The following SYT16 variants were observed in gnomAD, a reference collection of about 807,000 sequenced individuals.
SYT16 encodes the protein synaptotagmin-16.
A neutral mutation model predicts 61.4 loss-of-function variants in SYT16; 42 were observed. The ratio of observed to expected loss-of-function variants is 0.68; its 90% CI spans 0.53 to 0.89. The LOEUF is 0.89. Ranked by LOEUF, SYT16 falls within the 40% of genes least tolerant of loss-of-function variation. The pLI is 0.00. For missense variants in SYT16, 804 were observed against 807.3 expected (o/e 1.00, Z 0.05); for synonymous variants, 314 against 302.3 (o/e 1.04, Z -0.40).
chr14:62,046,319 A>G (rs1384702738), intron 3 of SYT16, among the ~76,000 whole-genome samples: 2 of 151,858 alleles, frequency 1.3e-5, no homozygotes, highest in Non-Finnish European at 2.9e-5. Flanking sequence ...TTTCTTGTAA[A>G]TTTGTTTGAG....
chr14:62,048,141 C>T (rs141674407), intron 3 of SYT16, among the ~76,000 whole-genome samples: 720 of 152,272 alleles, frequency 4.7e-3, no homozygotes, highest in Non-Finnish European at 7.3e-3. Flanking sequence ...TTAATTATTG[C>T]CTCAATTTCA....
At chr14:61,916,305 G>C (rs950230264) in intron 1 of SYT16, among the ~76,000 whole-genome samples, 3 of 151,958 alleles carry the variant, frequency 2.0e-5, no homozygotes, top group Admixed American at 2.0e-4. Flanking sequence ...TTATAAGGCT[G>C]CTTTTATATT....
rs1467442316 is a variant in SYT16 at position 62,108,472 on chromosome 14, A to G, written c.*7765A>G. On this transcript the variant is annotated 3_prime_UTR_variant, in exon 8 of 8. Coordinates refer to ENST00000683842, the MANE Select transcript of SYT16 (RefSeq NM_001367656.1). The stretch of plus-strand genomic sequence containing the variant: ...AGATATTTTCATGTAAGTTATTTTA[A>G]GATAGTTGCATTCTAGGACCATGTT... 1 of 152,226 alleles carries G rather than the reference A, an allele frequency of 6.6e-6. No homozygotes were observed. The highest frequency in any genetic ancestry group is 1.9e-4 in the East Asian group (1 of 5,204). The allele number at this position is 152,226 out of a possible 1,614,324, so 9.4% of individuals were successfully genotyped here.
intron 7 of SYT16, among the ~76,000 whole-genome samples, chr14:62,099,941 CAT>C (rs1255057500): frequency 2.6e-5 from 4 of 152,080 alleles, no homozygotes; most frequent in East Asian, 3.9e-4. Flanking sequence ...CATACACAGA[CAT>C]ATGAATATGT....
At chr14:62,068,931 G>A (rs1241498287) in intron 3 of SYT16, among the ~76,000 whole-genome samples, 1 of 152,106 alleles carries the variant, frequency 6.6e-6, no homozygotes, top group African/African-American at 2.4e-5. Flanking sequence ...GAGTAGCCAG[G>A]ATTACAGGCT....
chr14:62,046,237 G>A (rs1210042501), intron 3 of SYT16, among the ~76,000 whole-genome samples: 7 of 152,168 alleles, frequency 4.6e-5, no homozygotes, highest in South Asian at 2.1e-4. Flanking sequence ...TTTTTTGGCT[G>A]TATAAATGTC....
intron 1 of SYT16, among the ~76,000 whole-genome samples, chr14:61,947,905 C>T (rs1339603304): frequency 6.6e-6 from 1 of 152,084 alleles, no homozygotes; most frequent in Admixed American, 6.5e-5. Flanking sequence ...TAGGACTTTA[C>T]CTGTGGAGAA....
At chr14:62,040,204 T>A (rs920141152) in intron 3 of SYT16, among the ~76,000 whole-genome samples, 1 of 152,038 alleles carries the variant, frequency 6.6e-6, no homozygotes, top group African/African-American at 2.4e-5. Context: ...AGACTTGAGT[T>A]TTTTCCCCAG....
intron 2 of SYT16, among the ~76,000 whole-genome samples, chr14:61,982,405 C>T (rs113102616): frequency 1.6e-3 from 248 of 152,190 alleles, no homozygotes; most frequent in Non-Finnish European, 3.1e-3. Context: ...GTGAAAGGCA[C>T]GTCTTACATG....
chr14:62,088,973 T>C (rs2056979025), intron 7 of SYT16, among the ~76,000 whole-genome samples: 2 of 151,326 alleles, frequency 1.3e-5, no homozygotes. Flanking sequence ...TTTTTTTAAT[T>C]AGAGTGATTG....
intron 1 of SYT16, among the ~76,000 whole-genome samples, chr14:61,911,009 C>T (rs1316432546): frequency 3.9e-5 from 6 of 152,222 alleles, no homozygotes; most frequent in Non-Finnish European, 8.8e-5. Context: ...CATTCTCTGG[C>T]AACAGCATGT....
chr14:61,972,544 T>C (rs1335777628), intron 2 of SYT16, among the ~76,000 whole-genome samples: 1 of 152,220 alleles, frequency 6.6e-6, no homozygotes, highest in Non-Finnish European at 1.5e-5. Context: ...CAAATTATAA[T>C]GTCTAAAAAG....
At chr14:62,037,722 C>T (rs1254912) in intron 3 of SYT16, among the ~76,000 whole-genome samples, 1 of 151,916 alleles carries the variant, frequency 6.6e-6, no homozygotes, top group Non-Finnish European at 1.5e-5. Context: ...AAAATCTGAA[C>T]GAACCTGAAT....
intron 7 of SYT16, among the ~76,000 whole-genome samples, chr14:62,085,603 C>A (rs2056858600): frequency 6.6e-6 from 1 of 152,130 alleles, no homozygotes; most frequent in African/African-American, 2.4e-5. Flanking sequence ...GGCTCTCACT[C>A]TTTTTTTGCC....
At chr14:62,072,744 G>A (rs1387105491) in intron 4 of SYT16, among the ~76,000 whole-genome samples, 1 of 152,190 alleles carries the variant, frequency 6.6e-6, no homozygotes, top group African/African-American at 2.4e-5. Context: ...CATAAAACTT[G>A]CCATCACAGA....
At chr14:61,959,383 G>A (rs908704836) in intron 1 of SYT16, among the ~76,000 whole-genome samples, 1 of 151,204 alleles carries the variant, frequency 6.6e-6, no homozygotes, top group Admixed American at 6.6e-5. Context: ...TTTTTATAGT[G>A]GTATGCTTTG....
At chr14:62,020,278 G>T in intron 3 of SYT16, among the ~76,000 whole-genome samples, 1 of 152,112 alleles carries the variant, frequency 6.6e-6, no homozygotes, top group East Asian at 1.9e-4. Context: ...AATAGTAAAA[G>T]TACATTAACA....
chr14:61,863,514 T>A (rs1171310093), intron 1 of SYT16, among the ~76,000 whole-genome samples: 1 of 152,252 alleles, frequency 6.6e-6, no homozygotes, highest in African/African-American at 2.4e-5. Context: ...TGGATAACAG[T>A]TCTTTATCAG....
At position 62,048,365 on chromosome 14, in the gene SYT16, C is replaced by CT. The variant is rs1255831651; in HGVS notation, c.524-21231dup. Among the ~76,000 whole-genome samples the CT allele has an allele frequency of 4.6e-5, 7 of 152,262 alleles. No individual in the cohort carries two copies. The Middle Eastern group carries it at 0.014, about 296-fold the overall frequency. On this transcript the variant is annotated intron_variant, in intron 3 of 7. Transcript: ENST00000683842. Reference sequence around the variant, plus strand: ...TATTGCATCTATTTGATTCTTCTCTCTTTTTTTCTTTATTAGTCTTGCTAG... The same window carrying CT: ...TATTGCATCTATTTGATTCTTCTCTCTTTTTTTTCTTTATTAGTCTTGCTAG...
Sources: gnomAD v4.1 joint callset for allele counts (sites outside exome capture counted in the v4.1 genomes callset) on GRCh38, gnomAD v4.1.1 for gene constraint, MANE v1.5 for transcripts, NCBI Gene and HGNC (gene_info 2026-07-23, HGNC 2026-07-21) for gene names.